BCHE: variants seen among roughly 807,000 people sequenced by gnomAD.
BCHE encodes butyrylcholinesterase.
A neutral mutation model predicts 51.3 loss-of-function variants in BCHE; 48 were observed. The observed-to-expected ratio is 0.94, with a 90% CI of 0.74 to 1.19. The LOEUF (loss-of-function observed/expected upper bound fraction) is 1.19. Ranked by LOEUF, BCHE falls within the 50% of genes most tolerant of loss-of-function variation. BCHE has a pLI of 0.00. For synonymous variants in BCHE, 251 were observed against 238.0 expected, an observed-to-expected ratio of 1.05 and a Z score of -0.50; for missense variants, 847 against 708.2, an observed-to-expected ratio of 1.20 and a Z score of -2.23.
chr3:165,805,290 T>C (rs1713827881), intron 2 of BCHE, among the ~76,000 whole-genome samples: 1 of 152,174 alleles, frequency 6.6e-6, no homozygotes, highest in South Asian at 2.1e-4. Context: ...AGTAGAATCT[T>C]CACGATCAGT....
At chr3:165,814,807 A>G (rs1199762341) in intron 2 of BCHE, among the ~76,000 whole-genome samples, 1 of 151,992 alleles carries the variant, frequency 6.6e-6, no homozygotes, top group Non-Finnish European at 1.5e-5. Flanking sequence ...CAAAACACCC[A>G]GTTAAATGTG....
intron 3 of BCHE, chr3:165,778,818 A>G (rs748619337): frequency 3.6e-5 from 12 of 335,170 alleles, no homozygotes; most frequent in Non-Finnish European, 7.2e-5. Context: ...CTTGTTATAC[A>G]TCTGATAAGA....
At chr3:165,818,702 G>C (rs569366699) in intron 2 of BCHE, among the ~76,000 whole-genome samples, 9 of 152,180 alleles carry the variant, frequency 5.9e-5, no homozygotes, top group Middle Eastern at 3.4e-3. Flanking sequence ...AGGAAGAGAC[G>C]TTAGTGAAAA....
At chr3:165,782,184 C>T (rs115296569) in intron 3 of BCHE, among the ~76,000 whole-genome samples, 2,309 of 152,170 alleles carry the variant, frequency 0.015, 58 homozygotes, top group African/African-American at 0.053. Flanking sequence ...GCTTTCTATG[C>T]CCAATTTTAA....
intron 2 of BCHE, among the ~76,000 whole-genome samples, chr3:165,790,367 C>G (rs543765265): frequency 2.6e-5 from 4 of 152,282 alleles, no homozygotes; most frequent in Admixed American, 6.5e-5. Flanking sequence ...GATAATAGAT[C>G]TCTGAGGACA....
At chr3:165,778,872 G>C (rs1271633307) in intron 3 of BCHE, 1 of 195,672 alleles carries the variant, frequency 5.1e-6, no homozygotes, top group East Asian at 1.0e-4. Flanking sequence ...CAACTACCTA[G>C]GAAAGATAAC....
chr3:165,792,555 A>G (rs911266577), intron 2 of BCHE, among the ~76,000 whole-genome samples: 18 of 152,164 alleles, frequency 1.2e-4, no homozygotes, highest in Non-Finnish European at 1.9e-4. Context: ...TTATTGAAAA[A>G]CAAGATGCCA....
chr3:165,823,515 T>A (rs1394578497), intron 2 of BCHE, among the ~76,000 whole-genome samples: 1 of 152,000 alleles, frequency 6.6e-6, no homozygotes, highest in Non-Finnish European at 1.5e-5. Context: ...GAATGCCAAT[T>A]GATAATGGAA....
rs753598758 is a variant in BCHE, at chr3:165,829,931, T to A, written c.1103A>T (p.Asp368Val). The A allele has an allele frequency of 6.2e-7, 1 of 1,613,578 alleles. No individual in the cohort carries two copies. The highest frequency in any genetic ancestry group is 1.7e-5 in the Admixed American group (1 of 59,820). ...LVYGAPGFSK[D>V]NNSIITRKEF... is the part of the protein sequence containing the mutation. ...TTTTCTAGTTATGATACTATTGTTATCTTTGCTGAAGCCAGGAGCACCATA... is the reference window on the plus strand; with the variant it reads ...TTTTCTAGTTATGATACTATTGTTAACTTTGCTGAAGCCAGGAGCACCATA... The change falls in exon 2 of 4, where the codon GAT becomes GTT. Residue 368 changes from aspartate to valine, a missense_variant. Transcript: ENST00000264381.
rs187374300 is a variant in BCHE, at chr3:165,806,955, A to T, written c.1518-20644T>A. 1.4e-4 allele frequency among the ~76,000 whole-genome samples: 21 copies of T among 152,196 alleles called. No homozygotes were observed. The East Asian group carries it at 2.9e-3, about 21-fold the overall frequency. ...CATGACACCGTGTCTTTAGGAGGTT[A>T]TGTTAAATAAATACAATCAAAATCT... On this transcript the variant is annotated intron_variant, in intron 2 of 3. Coordinates refer to ENST00000264381, the MANE Select transcript of BCHE (RefSeq NM_000055.4).
chr3:165,816,084 A>C (rs1026015566), intron 2 of BCHE, among the ~76,000 whole-genome samples: 3 of 151,874 alleles, frequency 2.0e-5, no homozygotes, highest in South Asian at 4.1e-4. Flanking sequence ...AGGTTTCAAT[A>C]TGACCTTTTC....
intron 2 of BCHE, among the ~76,000 whole-genome samples, chr3:165,810,097 T>C (rs1714036277): frequency 6.6e-6 from 1 of 152,180 alleles, no homozygotes; most frequent in Non-Finnish European, 1.5e-5. Flanking sequence ...AATAATTCTT[T>C]AACATCAGTT....
intron 3 of BCHE, among the ~76,000 whole-genome samples, chr3:165,783,291 G>T (rs1031754429): frequency 6.9e-6 from 1 of 145,388 alleles, no homozygotes; most frequent in Non-Finnish European, 1.5e-5. Context: ...AACATAGAGT[G>T]AACTAGTATA....
chr3:165,834,878 T>C (rs990483194), intron 1 of BCHE, among the ~76,000 whole-genome samples: 2 of 151,906 alleles, frequency 1.3e-5, no homozygotes, highest in Non-Finnish European at 2.9e-5. Flanking sequence ...TCTGGTGCAA[T>C]TGGATACTGT....
intron 2 of BCHE, 114 bp from the exon 3 acceptor site, chr3:165,786,425 T>G: frequency 1.0e-6 from 1 of 996,934 alleles, no homozygotes; most frequent in East Asian, 2.6e-5. Flanking sequence ...ACAGAAAAAA[T>G]GTGGATATAT....
intron 2 of BCHE, among the ~76,000 whole-genome samples, chr3:165,812,264 A>T (rs2108222443): frequency 7.2e-6 from 1 of 138,226 alleles, no homozygotes; most frequent in Non-Finnish European, 1.6e-5. Flanking sequence ...ATGGAAAAAA[A>T]AATGGATCTC....
chr3:165,810,118 G>T (rs546785043), intron 2 of BCHE, among the ~76,000 whole-genome samples: 9 of 152,116 alleles, frequency 5.9e-5, no homozygotes, highest in Admixed American at 2.6e-4. Flanking sequence ...ACAGAGTTGA[G>T]ATTTATTTTG....
chr3:165,806,445 T>C (rs1713867170), intron 2 of BCHE, among the ~76,000 whole-genome samples: 2 of 152,202 alleles, frequency 1.3e-5, no homozygotes, highest in South Asian at 4.1e-4. Flanking sequence ...GGTAAATTGC[T>C]TATTTGCTGT....
chr3:165,792,556 C>T (rs755204520), intron 2 of BCHE, among the ~76,000 whole-genome samples: 26 of 151,994 alleles, frequency 1.7e-4, no homozygotes, highest in Non-Finnish European at 3.4e-4. Flanking sequence ...TATTGAAAAA[C>T]AAGATGCCAT....
Sources: gnomAD v4.1 joint callset for allele counts (sites outside exome capture counted in the v4.1 genomes callset) on GRCh38, gnomAD v4.1.1 for gene constraint, MANE v1.5 for transcripts, NCBI Gene and HGNC (gene_info 2026-07-23, HGNC 2026-07-21) for gene names.